TNRC6C: variants seen among roughly 807,000 people sequenced by gnomAD.
TNRC6C encodes the protein trinucleotide repeat containing adaptor 6C.
Under a neutral mutation model 153.7 loss-of-function variants are expected in TNRC6C, and 20 were observed. The ratio of observed to expected loss-of-function variants is 0.13; its 90% CI spans 0.09 to 0.19. The LOEUF (loss-of-function observed/expected upper bound fraction) is 0.19. Among genes scored for constraint, TNRC6C ranks in the 10% least tolerant of loss-of-function variants. The pLI, the probability that TNRC6C is intolerant of heterozygous loss-of-function variation, is 1.00. For missense variants in TNRC6C, 1,987 were observed against 2,172.0 expected (o/e 0.91, Z 1.69); for synonymous variants, 811 against 841.4 (o/e 0.96, Z 0.63).
At chr17:78,003,283 GT>G (rs1466022345), upstream of TNRC6C, among the ~76,000 whole-genome samples, 5 of 152,142 alleles carry the variant, frequency 3.3e-5, no homozygotes, top group Non-Finnish European at 7.4e-5. Context: ...ACAACCAAGG[GT>G]TACTACAGAG....
At chr17:78,095,717 T>A (rs1386281715) in intron 16 of TNRC6C, among the ~76,000 whole-genome samples, 1 of 152,146 alleles carries the variant, frequency 6.6e-6, no homozygotes, top group Non-Finnish European at 1.5e-5. Context: ...GGGAGTACAA[T>A]GAACATCTCT....
At chr17:78,055,064 G>C (rs946121730) in intron 3 of TNRC6C, among the ~76,000 whole-genome samples, 3 of 152,186 alleles carry the variant, frequency 2.0e-5, no homozygotes, top group African/African-American at 4.8e-5. Flanking sequence ...GCGCACCACT[G>C]TAGACTGCTG....
intron 17 of TNRC6C, among the ~76,000 whole-genome samples, chr17:78,102,110 G>A (rs1289557213): frequency 6.6e-6 from 1 of 152,208 alleles, no homozygotes; most frequent in Non-Finnish European, 1.5e-5. Context: ...AGAAGAACCT[G>A]GGAGCACTGA....
chr17:78,101,518 G>A (rs1050472316), intron 17 of TNRC6C, among the ~76,000 whole-genome samples: 1 of 152,152 alleles, frequency 6.6e-6, no homozygotes, highest in African/African-American at 2.4e-5. Context: ...CTAACCCAGA[G>A]GCACTAGAGG....
intron 14 of TNRC6C, among the ~76,000 whole-genome samples, chr17:78,092,283 C>T (rs2073407901): frequency 6.6e-6 from 1 of 152,184 alleles, no homozygotes; most frequent in South Asian, 2.1e-4. Context: ...GGAAAATCAT[C>T]ACACACTGCT....
Position 78,025,573 on chromosome 17 carries a change from G to A in TNRC6C, c.-545-5943G>A, listed in dbSNP as rs79584551. Among the ~76,000 whole-genome samples the A allele has an allele frequency of 5.2e-3, 798 of 152,162 alleles. 5 individuals are homozygous for A. The highest frequency in any genetic ancestry group is 0.018 in the African/African-American group (753 of 41,514). On this transcript the variant is annotated intron_variant, in intron 1 of 19. Transcript: ENST00000301624. ...TTTGTGTGCAGGTTTTTGTATGAAC[G>A]TAAAGTTTTCAACTCATTTGGGTAA...
intron 3 of TNRC6C, among the ~76,000 whole-genome samples, chr17:78,058,607 G>A (rs2072704920): frequency 1.3e-5 from 2 of 152,218 alleles, no homozygotes; most frequent in South Asian, 4.1e-4. Context: ...ATCTTACTGT[G>A]TCTTCCAACA....
chr17:78,086,593 G>A lies in TNRC6C; in HGVS notation c.3561+7G>A. 1 of 1,613,466 alleles carries A rather than the reference G, an allele frequency of 6.2e-7. No homozygotes were observed. The highest frequency in any genetic ancestry group is 1.3e-5 in the African/African-American group (1 of 74,998). Reference sequence around the variant, plus strand: ...GAGACAACAGGAGCAGCAAGTAGGTGCTACCCAGATTGATTTTTGTCATGA... The same window carrying A: ...GAGACAACAGGAGCAGCAAGTAGGTACTACCCAGATTGATTTTTGTCATGA... On this transcript the variant is annotated splice_region_variant and intron_variant, in intron 12 of 19. Transcript: ENST00000301624.
At chr17:78,073,717 GT>G (rs2073037275) in intron 7 of TNRC6C, among the ~76,000 whole-genome samples, 2 of 152,062 alleles carry the variant, frequency 1.3e-5, no homozygotes, top group Non-Finnish European at 2.9e-5. Flanking sequence ...CAACATTTTT[GT>G]CAACCAATCA....
chr17:77,993,052 G>A (rs555196048), intron 1 of TNRC6C, among the ~76,000 whole-genome samples: 1 of 152,064 alleles, frequency 6.6e-6, no homozygotes, highest in East Asian at 1.9e-4. Flanking sequence ...TGCAACCTCC[G>A]CCTCCTGGGT....
intron 15 of TNRC6C, 88 bp downstream of exon 17, chr17:78,093,212 A>T: frequency 7.3e-7 from 1 of 1,361,558 alleles, no homozygotes; most frequent in East Asian, 2.4e-5. Flanking sequence ...GAGGACCCAG[A>T]ATCTGAGCTA....
chr17:78,051,149 C>G, exon 3 of TNRC6C: 1 of 1,575,242 alleles, frequency 6.3e-7, no homozygotes, highest in East Asian at 2.3e-5. Context: ...ATCGGGGGGC[C>G]GGTACCGGTC....
upstream of TNRC6C, among the ~76,000 whole-genome samples, chr17:77,958,974 C>T (rs961735012): frequency 5.2e-4 from 76 of 144,974 alleles, no homozygotes; most frequent in African/African-American, 1.9e-3. Flanking sequence ...CCGCCTAGGA[C>T]CCGGACCCCG....
chr17:77,992,218 G>A (rs866497424), intron 1 of TNRC6C, among the ~76,000 whole-genome samples: 1 of 50,500 alleles, frequency 2.0e-5, no homozygotes. Context: ...AAGCAAAACC[G>A]GCCGGGCGCG....
At chr17:77,996,339 G>C (rs2071328432) in intron 1 of TNRC6C, among the ~76,000 whole-genome samples, 1 of 152,148 alleles carries the variant, frequency 6.6e-6, no homozygotes, top group Non-Finnish European at 1.5e-5. Context: ...AGGAACATTT[G>C]GAAGGAAGTG....
chr17:78,087,374 T>A (rs550419705), intron 13 of TNRC6C, among the ~76,000 whole-genome samples: 1 of 152,300 alleles, frequency 6.6e-6, no homozygotes, highest in Non-Finnish European at 1.5e-5. Flanking sequence ...CACCTCAGCC[T>A]CTTAAAGTGC....
chr17:78,014,021 A>C (rs16970741), intron 1 of TNRC6C, among the ~76,000 whole-genome samples: 6,770 of 152,276 alleles, frequency 0.044, 484 homozygotes, highest in African/African-American at 0.15. Flanking sequence ...TAAATGTTGG[A>C]GTAGTTTAAC....
rs774965162 is a variant in TNRC6C, at chr17:78,049,634, A to G, written c.572A>G (p.Asn191Ser). 1.2e-5 allele frequency: 20 copies of G among 1,613,668 alleles called. No homozygotes were observed. Among genetic ancestry groups the G allele is most frequent in the Non-Finnish European group, 1.7e-5 (20 of 1,179,858 alleles). Residue 191 changes from asparagine to serine, a missense_variant, in exon 3 of 20, where the codon AAC becomes AGC. By Grantham distance (46) the Asn-to-Ser change is conservative. Transcript: ENST00000301624. The surrounding 1 kb of genome is among the most constrained non-coding windows in gnomAD (Gnocchi z 4.1). ...GGACCAAATAACACTAACCCCATGA[A>G]CTCTTCACCCAACCCTATCAATGCA...
exon 3 of TNRC6C, chr17:78,051,410 C>G (rs867123681): frequency 6.5e-7 from 1 of 1,547,986 alleles, no homozygotes; most frequent in African/African-American, 1.4e-5. Flanking sequence ...CCGCACCAGG[C>G]CGGTACTCAG....
Sources: allele counts gnomAD v4.1 joint callset (sites outside exome capture counted in the v4.1 genomes callset), GRCh38; gene constraint gnomAD v4.1.1; non-coding constraint Gnocchi (gnomAD v3.1); transcripts MANE v1.5; gene names NCBI Gene and HGNC (gene_info 2026-07-23, HGNC 2026-07-21).